Variants in FBXW7 observed in about 807,000 individuals in gnomAD.
FBXW7 encodes the protein F-box/WD repeat-containing protein 7.
FBXW7 carries 11 observed loss-of-function variants against 86.3 expected under a neutral mutation model. That is an observed-to-expected ratio of 0.13 (90% CI 0.08 to 0.21). The LOEUF is 0.21. Among genes scored for constraint, FBXW7 ranks in the 10% least tolerant of loss-of-function variants. The probability of loss-of-function intolerance (pLI) is 1.00; values close to 1 mark genes in which losing one functional copy is unlikely to be tolerated. For synonymous variants in FBXW7, 313 were observed against 297.9 expected (o/e 1.05, Z -0.52); for missense variants, 488 against 847.4 (o/e 0.58, Z 5.27).
chr4:152,328,899 T>C (rs369874572), intron 10 of FBXW7: 1 of 152,032 alleles, frequency 6.6e-6, no homozygotes, highest in African/African-American at 2.4e-5. Context: ...AAACTAATAT[T>C]ACACTATGGA....
At chr4:152,511,345 G>A (rs1201474131) in intron 2 of FBXW7, among the ~76,000 whole-genome samples, 1 of 137,428 alleles carries the variant, frequency 7.3e-6, no homozygotes, top group East Asian at 2.2e-4. Flanking sequence ...GCATGACCAT[G>A]GACAATTACT....
At chr4:152,498,053 T>A (rs1746534018) in intron 2 of FBXW7, among the ~76,000 whole-genome samples, 1 of 151,990 alleles carries the variant, frequency 6.6e-6, no homozygotes, top group South Asian at 2.1e-4. Flanking sequence ...GGGAGAAAAG[T>A]ATGGGGAGGG....
intron 2 of FBXW7, among the ~76,000 whole-genome samples, chr4:152,429,906 A>T (rs1291111706): frequency 2.0e-5 from 3 of 152,218 alleles, no homozygotes; most frequent in Non-Finnish European, 2.9e-5. Flanking sequence ...CTAATATTTT[A>T]GTTCTGTATC....
At chr4:152,491,697 CG>C (rs1220214925) in intron 2 of FBXW7, among the ~76,000 whole-genome samples, 2 of 151,980 alleles carry the variant, frequency 1.3e-5, no homozygotes, top group African/African-American at 4.8e-5. Flanking sequence ...TAAGTGTCTT[CG>C]TAACTTTGAT....
chr4:152,504,764 T>C (rs1238610917), intron 2 of FBXW7, among the ~76,000 whole-genome samples: 1 of 152,208 alleles, frequency 6.6e-6, no homozygotes, highest in African/African-American at 2.4e-5. Flanking sequence ...AATTGAGATA[T>C]AAAATATCTA....
At chr4:152,326,557 C>G (rs988974745) in intron 11 of FBXW7, among the ~76,000 whole-genome samples, 2 of 151,470 alleles carry the variant, frequency 1.3e-5, no homozygotes, top group African/African-American at 4.9e-5. Context: ...GAAGCTGCCT[C>G]TAAATATATA....
At chr4:152,508,264 G>T (rs972500671) in intron 2 of FBXW7, among the ~76,000 whole-genome samples, 1 of 151,996 alleles carries the variant, frequency 6.6e-6, no homozygotes, top group East Asian at 1.9e-4. Context: ...AAAAATCCGC[G>T]AGTCCATTCT....
rs142974390 is a variant in FBXW7, at chr4:152,477,422, C to T, written c.-120+57519G>A. The stretch of plus-strand genomic sequence containing the variant: ...TTGAATACGTATTTTAACAACTATA[C>T]GCATTTGGAAATCTTACAAAGCCAA... On this transcript the variant is annotated intron_variant, in intron 2 of 13. Transcript: ENST00000281708. 9.2e-5 allele frequency among the ~76,000 whole-genome samples: 14 copies of T among 152,134 alleles called. No homozygotes were observed. In the East Asian group the frequency reaches 1.7e-3, roughly 19 times the overall value.
At position 152,535,571 on chromosome 4, in the gene FBXW7, G is replaced by A; in HGVS notation, c.-657C>T. On this transcript the variant is annotated 5_prime_UTR_variant, in exon 1 of 14. Transcript: ENST00000281708. The stretch of plus-strand genomic sequence containing the variant: ...GGCAAGATGCTACGGCCCCGGGCGG[G>A]TGGCCGAGTCGGCGGCAAGGCGAGG... The A allele has an allele frequency of 2.5e-6, 1 of 396,814 alleles. No homozygotes were observed. 24.6% of individuals were successfully genotyped at this position (396,814 alleles called of 1,614,324 possible). A position where few individuals can be genotyped will look rare whatever the true frequency, so the allele number is the denominator to read the frequency against.
intron 2 of FBXW7, among the ~76,000 whole-genome samples, chr4:152,519,832 A>C (rs1419833948): frequency 6.6e-6 from 1 of 152,220 alleles, no homozygotes; most frequent in Non-Finnish European, 1.5e-5. Flanking sequence ...AAAAGCATAG[A>C]CCATGGAGTA....
intron 2 of FBXW7, among the ~76,000 whole-genome samples, chr4:152,506,753 G>A (rs773422048): frequency 1.3e-5 from 2 of 152,168 alleles, no homozygotes; most frequent in Non-Finnish European, 2.9e-5. Context: ...CAGGATCACC[G>A]AAGGGCTTGT....
chr4:152,428,489 T>G (rs373910213), intron 2 of FBXW7, among the ~76,000 whole-genome samples: 39 of 152,366 alleles, frequency 2.6e-4, no homozygotes, highest in Middle Eastern at 3.4e-3. Flanking sequence ...GTATTTCCAC[T>G]GTCCTGGGAC....
intron 2 of FBXW7, among the ~76,000 whole-genome samples, chr4:152,472,124 T>C (rs1053120399): frequency 2.6e-5 from 4 of 152,112 alleles, no homozygotes; most frequent in Non-Finnish European, 5.9e-5. Context: ...GACTAACTTT[T>C]ATCTAAAAAA....
chr4:152,522,538 G>T (rs1247834498), intron 2 of FBXW7, among the ~76,000 whole-genome samples: 1 of 151,996 alleles, frequency 6.6e-6, no homozygotes, highest in Non-Finnish European at 1.5e-5. Context: ...TGCTTGGCAG[G>T]GCTGGCATTC....
In FBXW7 at chr4:152,436,443, A is replaced by G. The variant is rs989706595; in HGVS notation, c.-119-23914T>C. ...AAAAAAGAAGCTGTCTTGATAACAT[A>G]TAAGTACAAGGTAAAGCAGCAAATG... is the stretch of plus-strand genomic sequence containing the variant. On this transcript the variant is annotated intron_variant, in intron 2 of 13. Transcript: ENST00000281708. Among the ~76,000 whole-genome samples, 21 of 152,238 alleles carry G rather than the reference A, an allele frequency of 1.4e-4. 1 individual carries two copies. Among genetic ancestry groups the G allele is most frequent in the Admixed American group, 1.2e-3 (18 of 15,286 alleles).
intron 12 of FBXW7, 147 bp from the exon 13 acceptor site, chr4:152,324,541 G>A: frequency 1.6e-6 from 1 of 633,192 alleles, no homozygotes; most frequent in Non-Finnish European, 2.8e-6. Flanking sequence ...TGGCAATGAG[G>A]ATAAAGTGCA....
chr4:152,495,931 C>T (rs896615685), intron 2 of FBXW7, among the ~76,000 whole-genome samples: 1 of 152,186 alleles, frequency 6.6e-6, no homozygotes, highest in Admixed American at 6.5e-5. Context: ...AATCTCAGCA[C>T]TCTGGGAAGC....
intron 2 of FBXW7, among the ~76,000 whole-genome samples, chr4:152,520,626 C>G (rs1045928148): frequency 1.3e-5 from 2 of 152,182 alleles, no homozygotes; most frequent in Non-Finnish European, 2.9e-5. Context: ...TTATTTAACA[C>G]TGTTACTTAA....
chr4:152,458,040 C>T (rs1233150339), intron 2 of FBXW7, among the ~76,000 whole-genome samples: 1 of 151,962 alleles, frequency 6.6e-6, no homozygotes, highest in African/African-American at 2.4e-5. Flanking sequence ...GATGGAGTCT[C>T]GCTCTGTTGG....
Sources: gnomAD v4.1 joint callset for allele counts (sites outside exome capture counted in the v4.1 genomes callset) on GRCh38, gnomAD v4.1.1 for gene constraint, MANE v1.5 for transcripts, NCBI Gene and HGNC (gene_info 2026-07-23, HGNC 2026-07-21) for gene names.